Variants in NOTCH2 observed in about 807,000 individuals in gnomAD.
NOTCH2 encodes the protein neurogenic locus notch homolog protein 2.
In NOTCH2, 29 loss-of-function variants were observed where a neutral mutation model predicts 235.8. That is an observed-to-expected ratio of 0.12 (90% CI 0.09 to 0.17). The LOEUF (loss-of-function observed/expected upper bound fraction) is 0.17, where lower values mean the gene tolerates loss of function less well. Among genes scored for constraint, NOTCH2 ranks in the 10% least tolerant of loss-of-function variants. The pLI, the probability that NOTCH2 is intolerant of heterozygous loss-of-function variation, is 1.00. For missense variants in NOTCH2, 2,285 were observed against 3,150.2 expected (o/e 0.73, Z 6.57); for synonymous variants, 1,086 against 1,141.5 (o/e 0.95, Z 0.98).
At chr1:120,065,180 GA>G in intron 1 of NOTCH2, among the ~76,000 whole-genome samples, 1 of 152,194 alleles carries the variant, frequency 6.6e-6, no homozygotes, top group Non-Finnish European at 1.5e-5. Context: ...CTGGGGAAGG[GA>G]AAAATTTGGT....
At chr1:119,974,107 C>A (rs944752276) in intron 5 of NOTCH2, among the ~76,000 whole-genome samples, 1 of 152,112 alleles carries the variant, frequency 6.6e-6, no homozygotes, top group Non-Finnish European at 1.5e-5. Context: ...GGCTACCTAG[C>A]AAATAAAAGC....
chr1:119,934,375 A>T (rs1030070239), intron 22 of NOTCH2, among the ~76,000 whole-genome samples: 1 of 152,252 alleles, frequency 6.6e-6, no homozygotes, highest in Non-Finnish European at 1.5e-5. Flanking sequence ...ATGAACTACG[A>T]TAACAGCTAT....
At chr1:119,974,866 T>C (rs1254252506) in intron 5 of NOTCH2, among the ~76,000 whole-genome samples, 1 of 152,216 alleles carries the variant, frequency 6.6e-6, no homozygotes, top group Non-Finnish European at 1.5e-5. Flanking sequence ...CTCTTCCCCA[T>C]TTCGCTATAA....
chr1:120,015,067 A>G (rs1184889210), intron 2 of NOTCH2, among the ~76,000 whole-genome samples: 1 of 150,506 alleles, frequency 6.6e-6, no homozygotes, highest in Non-Finnish European at 1.5e-5. Context: ...GCAAAATCCC[A>G]CCACATACAA....
chr1:119,940,382 C>T (rs587709719), intron 19 of NOTCH2, among the ~76,000 whole-genome samples, 173 bp downstream of exon 19: 1 of 152,262 alleles, frequency 6.6e-6, no homozygotes, highest in East Asian at 1.9e-4. Context: ...TATCATATTG[C>T]CAGCACCATT....
At chr1:119,952,213 G>C (rs1261930772) in intron 14 of NOTCH2, among the ~76,000 whole-genome samples, 2 of 152,136 alleles carry the variant, frequency 1.3e-5, no homozygotes, top group South Asian at 2.1e-4. Flanking sequence ...CAATTCCCAT[G>C]ACTATCCATT....
chr1:119,963,929 T>C, intron 10 of NOTCH2, 122 bp from the exon 11 acceptor site: 1 of 853,776 alleles, frequency 1.2e-6, no homozygotes, highest in South Asian at 1.4e-5. Context: ...ATACTGCAGG[T>C]CTTGAGCAGT....
intron 17 of NOTCH2, among the ~76,000 whole-genome samples, chr1:119,946,782 C>T (rs1296969533): frequency 1.3e-5 from 2 of 152,044 alleles, no homozygotes; most frequent in African/African-American, 4.8e-5. Flanking sequence ...TCTCTCACCA[C>T]TTCTATTCTG....
chr1:119,941,692 G>C lies in NOTCH2; in HGVS notation c.2815C>G (p.Pro939Ala). Residue 939 changes from proline (P) to alanine (A), a missense_variant, in exon 18 of 34, where the codon CCG becomes GCG. Around this residue, in one of 6 missense-constraint regions of NOTCH2, gnomAD observed 1,173 missense variants for 1,515.3 expected, o/e 0.77. Coordinates refer to ENST00000256646, the MANE Select transcript of NOTCH2 (RefSeq NM_024408.4). ...TGGCACTTATCCCCAGTGAAACCCG[G>C]AAGGCAGAGGCAGGAGAAAGTATTC... ...GVNTFSCLCL[P>A]GFTGDKCQTD... 26 of 1,614,180 alleles carry C rather than the reference G, an allele frequency of 1.6e-5. No individual in the cohort carries two copies. Among genetic ancestry groups the C allele is most frequent in the Non-Finnish European group, 2.2e-5 (26 of 1,180,034 alleles).
chr1:119,971,513 T>C (rs1651360492), intron 5 of NOTCH2, among the ~76,000 whole-genome samples: 1 of 152,102 alleles, frequency 6.6e-6, no homozygotes, highest in African/African-American at 2.4e-5. Context: ...GAGAAAGTGA[T>C]ATGGGTGAAT....
rs1553197408 is a variant in NOTCH2 at position 119,949,088 on chromosome 1, T to C, written c.2518A>G (p.Asn840Asp). 8.1e-6 allele frequency: 13 copies of C among 1,614,170 alleles called. No individual in the cohort carries two copies. Among genetic ancestry groups the C allele is most frequent in the Admixed American group, 1.7e-5 (1 of 60,026 alleles). ...CQTVLAPCSP[N>D]PCENAAVCKE... is the part of the protein sequence containing the mutation. The stretch of plus-strand genomic sequence containing the variant: ...CAAACAGCAGCATTCTCACAAGGGT[T>C]TGGGGAACAGGGAGCCAATACTGTC... The change falls in exon 16 of 34, where the codon AAC becomes GAC. Residue 840 changes from asparagine (N) to aspartate (D), a missense_variant. By Grantham distance (23) the Asn-to-Asp change is conservative. This residue lies in a region of NOTCH2 where 1,173 missense variants were observed against 1,515.3 expected (regional missense o/e 0.77). Transcript: ENST00000256646.
intron 1 of NOTCH2, chr1:120,068,952 GC>G (rs1436716222): frequency 6.9e-6 from 6 of 870,028 alleles, no homozygotes; most frequent in Non-Finnish European, 1.0e-5. Flanking sequence ...CCTTCGCTCA[GC>G]CCCTCCGAGG....
intron 11 of NOTCH2, 74 bp from the exon 12 acceptor site, chr1:119,959,576 C>T (rs151071128): frequency 2.4e-6 from 2 of 841,614 alleles, no homozygotes; most frequent in Non-Finnish European, 2.1e-6. Flanking sequence ...TGTGATGCAG[C>T]AACGTGGTAA....
chr1:119,968,291 CTTTCT>C, intron 6 of NOTCH2, 59 bp from the exon 7 acceptor site: 1 of 1,550,366 alleles, frequency 6.5e-7, no homozygotes, highest in Admixed American at 1.7e-5. Flanking sequence ...TGGGGAAGAG[CTTTCT>C]CTTTCACCCA....
chr1:119,920,758 T>C (rs1027517672), intron 29 of NOTCH2, among the ~76,000 whole-genome samples: 3 of 152,248 alleles, frequency 2.0e-5, no homozygotes, highest in Non-Finnish European at 2.9e-5. Flanking sequence ...TAACTGATCA[T>C]GTGTTAAATG....
chr1:119,925,602 G>C lies in NOTCH2; in HGVS notation c.4214C>G (p.Pro1405Arg). 6.2e-7 allele frequency: 1 copy of C among 1,614,138 alleles called. No individual in the cohort carries two copies. Among genetic ancestry groups the C allele is most frequent in the South Asian group, 1.1e-5 (1 of 91,086 alleles). ...GAGTTCACAGCGGCTACCCGAGAAT[G>C]GTGGGGCACACTGGCAGGAGTAATA... ...PPYYSCQCAP[P>R]FSGSRCELYT... Residue 1405 changes from proline (P) to arginine (R), a missense_variant, in exon 25 of 34, where the codon CCA becomes CGA. Physicochemically the swap from Pro to Arg is moderately radical, Grantham distance 103. This residue lies in a region of NOTCH2 where 1,173 missense variants were observed against 1,515.3 expected (regional missense o/e 0.77). Transcript: ENST00000256646.
intron 3 of NOTCH2, among the ~76,000 whole-genome samples, chr1:120,001,490 G>C (rs74115519): frequency 0.027 from 4,101 of 152,108 alleles, 70 homozygotes; most frequent in African/African-American, 0.093. Flanking sequence ...CAGAAAACAA[G>C]ATGGGCCGGT....
rs965724956 is a variant in NOTCH2, at chr1:119,919,245, T to TA, written c.5781+66dup. ...TAAATTCAATGAGATATTAATTCTT[T>TA]AAAAACGATAAAACATTATAGAGCC... On this transcript the variant is annotated intron_variant, in intron 31 of 33. Coordinates refer to ENST00000256646, the MANE Select transcript of NOTCH2 (RefSeq NM_024408.4). The TA allele has an allele frequency of 2.0e-6, 3 of 1,474,662 alleles. No homozygotes were observed. The Admixed American group carries it at 5.0e-5, about 25-fold the overall frequency. The allele number at this position is 1,474,662 out of a possible 1,614,324, so 91.3% of individuals were successfully genotyped here.
intron 19 of NOTCH2, among the ~76,000 whole-genome samples, chr1:119,939,682 TAG>T: frequency 6.6e-6 from 1 of 152,144 alleles, no homozygotes; most frequent in East Asian, 1.9e-4. Flanking sequence ...ATTCACAATA[TAG>T]ACAGTTTGCT....
Sources: gnomAD v4.1 joint callset for allele counts (sites outside exome capture counted in the v4.1 genomes callset) on GRCh38, gnomAD v4.1.1 for gene constraint, gnomAD v4.1.1 regional missense constraint, MANE v1.5 for transcripts, NCBI Gene and HGNC (gene_info 2026-07-23, HGNC 2026-07-21) for gene names.